Variants in FMN1 observed in about 807,000 individuals in gnomAD.
FMN1 encodes the protein formin 1, also known as formin-1.
Under a neutral mutation model 132.4 loss-of-function variants are expected in FMN1, and 110 were observed. The observed-to-expected ratio is 0.83, with a 90% confidence interval of 0.71 to 0.97. The LOEUF is 0.97. Ranked by LOEUF, FMN1 falls within the 50% of genes least tolerant of loss-of-function variation. FMN1 has a pLI of 0.00. For missense variants in FMN1, 1,792 were observed against 1,705.3 expected, an observed-to-expected ratio of 1.05 and a Z score of -0.90; for synonymous variants, 722 against 651.7, an observed-to-expected ratio of 1.11 and a Z score of -1.64.
intron 4 of FMN1, among the ~76,000 whole-genome samples, chr15:33,116,429 T>A (rs954468987): frequency 6.6e-6 from 1 of 152,160 alleles, no homozygotes; most frequent in Non-Finnish European, 1.5e-5. Flanking sequence ...ATCCAGCTGT[T>A]TCTATGCCTC....
At chr15:32,877,765 A>G (rs1435518226) in intron 16 of FMN1, among the ~76,000 whole-genome samples, 1 of 152,150 alleles carries the variant, frequency 6.6e-6, no homozygotes, top group African/African-American at 2.4e-5. Flanking sequence ...CTACTCACGG[A>G]TGCTTATCTG....
At chr15:33,076,271 T>C (rs1477959633) in intron 5 of FMN1, among the ~76,000 whole-genome samples, 6 of 152,196 alleles carry the variant, frequency 3.9e-5, no homozygotes, top group South Asian at 2.1e-4. Flanking sequence ...AAGCATTTCA[T>C]TGTGACTAAG....
At chr15:32,840,062 A>C (rs1010205084) in intron 17 of FMN1, among the ~76,000 whole-genome samples, 1 of 152,166 alleles carries the variant, frequency 6.6e-6, no homozygotes, top group African/African-American at 2.4e-5. Context: ...CCTCCCCGGG[A>C]GGAGAGCTGC....
Position 33,067,561 on chromosome 15 carries a change from C to CT in FMN1, c.2044-2488dup, listed in dbSNP as rs757756515. ...GGAGAGATGTCCCTGCTTCTTTTCT[C>CT]TGACTTCCCTCTGATTCTGTCTCCA... is the stretch of plus-strand genomic sequence containing the variant. On this transcript the variant is annotated intron_variant, in intron 5 of 20. Transcript: ENST00000616417. 2.9e-5 allele frequency: 46 copies of CT among 1,613,892 alleles called. 1 individual carries two copies. In the South Asian group the frequency reaches 4.9e-4, roughly 17 times the overall value.
chr15:32,841,669 G>A (rs2058748262), intron 17 of FMN1, among the ~76,000 whole-genome samples: 1 of 152,084 alleles, frequency 6.6e-6, no homozygotes, highest in Admixed American at 6.6e-5. Context: ...TGTGGAACTG[G>A]GTTCGTGAGG....
At chr15:32,818,075 A>T (rs1440770773) in intron 17 of FMN1, among the ~76,000 whole-genome samples, 1 of 152,172 alleles carries the variant, frequency 6.6e-6, no homozygotes, top group African/African-American at 2.4e-5. Flanking sequence ...TCTCTGAGCA[A>T]TGGCCACTAT....
At chr15:33,167,231 A>C (rs945606692) in intron 3 of FMN1, among the ~76,000 whole-genome samples, 2 of 152,102 alleles carry the variant, frequency 1.3e-5, no homozygotes, top group Non-Finnish European at 2.9e-5. Flanking sequence ...GGTTTTCCCA[A>C]TACTGTTCTC....
At chr15:32,864,755 T>C (rs1159037840) in intron 16 of FMN1, among the ~76,000 whole-genome samples, 1 of 151,810 alleles carries the variant, frequency 6.6e-6, no homozygotes, top group Admixed American at 6.5e-5. Flanking sequence ...TGCCTTTTTA[T>C]ATCTACACAT....
intron 17 of FMN1, among the ~76,000 whole-genome samples, chr15:32,808,431 G>A (rs552936555): frequency 3.3e-5 from 5 of 152,340 alleles, no homozygotes; most frequent in Non-Finnish European, 5.9e-5. Context: ...ACAGTTCAAC[G>A]TCATGCCATG....
intron 6 of FMN1, among the ~76,000 whole-genome samples, chr15:33,022,365 A>G (rs1185815385): frequency 6.6e-6 from 1 of 152,188 alleles, no homozygotes; most frequent in Non-Finnish European, 1.5e-5. Context: ...GAGGCTGGGG[A>G]GAGACAAGGA....
intron 6 of FMN1, among the ~76,000 whole-genome samples, chr15:33,025,678 T>A (rs1443119655): frequency 1.3e-5 from 2 of 152,186 alleles, no homozygotes; most frequent in Non-Finnish European, 2.9e-5. Flanking sequence ...TGAAAATTTA[T>A]CAGTGGTATC....
chr15:32,839,509 T>G (rs892567705), intron 17 of FMN1, among the ~76,000 whole-genome samples: 2 of 152,064 alleles, frequency 1.3e-5, no homozygotes, highest in South Asian at 2.1e-4. Context: ...GCAGGGCACT[T>G]TACATGTGAA....
chr15:33,045,319 T>C (rs2036628079), intron 6 of FMN1, among the ~76,000 whole-genome samples: 1 of 152,152 alleles, frequency 6.6e-6, no homozygotes, highest in African/African-American at 2.4e-5. Context: ...TTGGTAGGCA[T>C]GGAGTCCAGG....
intron 7 of FMN1, among the ~76,000 whole-genome samples, chr15:32,974,300 T>C (rs564608218): frequency 1.3e-5 from 2 of 152,354 alleles, no homozygotes; most frequent in South Asian, 4.1e-4. Context: ...TGAGGTTTGA[T>C]ATCTTTCCAG....
chr15:32,926,306 A>G (rs756093042), intron 9 of FMN1, 45 bp from the exon 10 acceptor site: 2 of 1,135,946 alleles, frequency 1.8e-6, no homozygotes, highest in Non-Finnish European at 1.3e-6. Flanking sequence ...TCAAATGACC[A>G]TGCAGTCTTT....
chr15:33,026,955 T>G (rs928352559), intron 6 of FMN1, among the ~76,000 whole-genome samples: 1 of 152,190 alleles, frequency 6.6e-6, no homozygotes, highest in Non-Finnish European at 1.5e-5. Flanking sequence ...AGGTCCTATT[T>G]TGCATTGCTC....
At chr15:33,014,893 G>C in intron 6 of FMN1, among the ~76,000 whole-genome samples, 1 of 152,176 alleles carries the variant, frequency 6.6e-6, no homozygotes, top group East Asian at 1.9e-4. Flanking sequence ...TACTAAATGA[G>C]TTTACCTAAT....
intron 3 of FMN1, among the ~76,000 whole-genome samples, chr15:33,165,868 C>T (rs1266474784): frequency 6.6e-6 from 1 of 152,154 alleles, no homozygotes; most frequent in Non-Finnish European, 1.5e-5. Flanking sequence ...AGCTGATCTG[C>T]CATCTCTCCC....
intron 17 of FMN1, among the ~76,000 whole-genome samples, chr15:32,842,681 A>G (rs558826759): frequency 6.6e-6 from 1 of 152,354 alleles, no homozygotes; most frequent in Non-Finnish European, 1.5e-5. Flanking sequence ...AGTATGAAAG[A>G]AAGACCCATA....
Sources: allele counts gnomAD v4.1 joint callset (sites outside exome capture counted in the v4.1 genomes callset), GRCh38; gene constraint gnomAD v4.1.1; transcripts MANE v1.5; gene names NCBI Gene and HGNC (gene_info 2026-07-23, HGNC 2026-07-21).